Variants in PTPRD observed in about 807,000 individuals in gnomAD.
The protein encoded by PTPRD is protein tyrosine phosphatase receptor type D, also known as receptor-type tyrosine-protein phosphatase delta.
PTPRD carries 34 observed loss-of-function variants against 214.5 expected under a neutral mutation model. That is an observed-to-expected ratio of 0.16 (90% confidence interval 0.12 to 0.21). PTPRD has a LOEUF of 0.21. Ranked by LOEUF, PTPRD falls within the 10% of genes least tolerant of loss-of-function variation. The pLI is 1.00. For missense variants in PTPRD, 2,545 were observed against 2,398.7 expected, an observed-to-expected ratio of 1.06 and a Z score of -1.27; for synonymous variants, 1,128 against 845.7, an observed-to-expected ratio of 1.33 and a Z score of -5.79.
At chr9:8,338,001 C>T (rs562074833) in intron 43 of PTPRD, among the ~76,000 whole-genome samples, 1 of 152,142 alleles carries the variant, frequency 6.6e-6, no homozygotes, top group Admixed American at 6.5e-5. Flanking sequence ...GTCACCTAGG[C>T]CAACCCTCCT....
At chr9:9,728,754 C>T (rs2154439159) in intron 7 of PTPRD, among the ~76,000 whole-genome samples, 1 of 152,178 alleles carries the variant, frequency 6.6e-6, no homozygotes, top group African/African-American at 2.4e-5. Flanking sequence ...GATTAAAGAA[C>T]TTCAACTATT....
chr9:9,231,308 C>T (rs1182482433), intron 9 of PTPRD, among the ~76,000 whole-genome samples: 1 of 152,052 alleles, frequency 6.6e-6, no homozygotes. Flanking sequence ...ATTCTTAACT[C>T]TTTGGCTGGA....
At chr9:10,213,931 C>T (rs1415821262) in intron 3 of PTPRD, among the ~76,000 whole-genome samples, 1 of 152,022 alleles carries the variant, frequency 6.6e-6, no homozygotes, top group Non-Finnish European at 1.5e-5. Flanking sequence ...AGATTTACAG[C>T]ATATTGCTGG....
chr9:8,560,334 G>T (rs1023249664), intron 14 of PTPRD, among the ~76,000 whole-genome samples: 1 of 151,832 alleles, frequency 6.6e-6, no homozygotes, highest in African/African-American at 2.4e-5. Context: ...TTAAAACTTT[G>T]TTGATAACAA....
chr9:9,323,589 C>T (rs1967877444), intron 9 of PTPRD, among the ~76,000 whole-genome samples: 1 of 152,136 alleles, frequency 6.6e-6, no homozygotes. Flanking sequence ...CGAGAACCAT[C>T]ATACTATCTT....
intron 11 of PTPRD, among the ~76,000 whole-genome samples, chr9:8,968,660 T>C (rs551848149): frequency 6.6e-6 from 1 of 152,176 alleles, no homozygotes; most frequent in South Asian, 2.1e-4. Flanking sequence ...GGTTAAGTTA[T>C]CCAAATTCAC....
intron 12 of PTPRD, among the ~76,000 whole-genome samples, chr9:8,685,003 T>C (rs1193694043): frequency 6.6e-6 from 1 of 152,178 alleles, no homozygotes; most frequent in African/African-American, 2.4e-5. Flanking sequence ...AAAGATGCTC[T>C]TCTGGGGATG....
chr9:10,227,730 G>A (rs1022322027), intron 3 of PTPRD, among the ~76,000 whole-genome samples: 1 of 151,912 alleles, frequency 6.6e-6, no homozygotes, highest in Admixed American at 6.6e-5. Flanking sequence ...TTGCTTGTTT[G>A]TTTTGTATCA....
intron 11 of PTPRD, among the ~76,000 whole-genome samples, chr9:8,835,987 C>T (rs111704658): frequency 1.9e-4 from 29 of 152,254 alleles, no homozygotes; most frequent in African/African-American, 6.0e-4. Flanking sequence ...CCTGGATCCA[C>T]GTCTGTAACA....
At chr9:8,946,590 C>G (rs972783463) in intron 11 of PTPRD, among the ~76,000 whole-genome samples, 7 of 152,168 alleles carry the variant, frequency 4.6e-5, no homozygotes, top group Non-Finnish European at 8.8e-5. Context: ...TTGCATTCTT[C>G]TATCCCCAAG....
chr9:9,881,542 T>C (rs1157719402), intron 5 of PTPRD, among the ~76,000 whole-genome samples: 2 of 152,124 alleles, frequency 1.3e-5, no homozygotes, highest in Admixed American at 6.6e-5. Flanking sequence ...GTTGTGAAAA[T>C]AAACTGGGAT....
At chr9:9,528,495 A>G (rs2074683405) in intron 8 of PTPRD, among the ~76,000 whole-genome samples, 4 of 152,224 alleles carry the variant, frequency 2.6e-5, no homozygotes, top group South Asian at 4.1e-4. Flanking sequence ...AATAACATCA[A>G]TTTATGTCAT....
At chr9:9,317,824 T>C (rs1024719989) in intron 9 of PTPRD, among the ~76,000 whole-genome samples, 3 of 152,138 alleles carry the variant, frequency 2.0e-5, no homozygotes, top group East Asian at 3.9e-4. Flanking sequence ...TCCTGATAGA[T>C]TATGTGCATT....
intron 5 of PTPRD, among the ~76,000 whole-genome samples, chr9:9,851,686 A>C (rs1463405930): frequency 6.6e-6 from 1 of 152,212 alleles, no homozygotes; most frequent in African/African-American, 2.4e-5. Context: ...AAGCTGAGGC[A>C]GAAGGATCAC....
At chr9:8,485,702 C>A (rs906632939) in intron 28 of PTPRD, 60 bp downstream of exon 28, 4 of 1,416,888 alleles carry the variant, frequency 2.8e-6, no homozygotes, top group Admixed American at 2.2e-5. Context: ...CTTCAAAATA[C>A]TGATTTCCAA....
At chr9:9,686,617 T>G (rs1462149480) in intron 7 of PTPRD, among the ~76,000 whole-genome samples, 1 of 151,638 alleles carries the variant, frequency 6.6e-6, no homozygotes, top group Non-Finnish European at 1.5e-5. Flanking sequence ...TACATAAATT[T>G]TATCTAGAAA....
At chr9:10,199,868 A>G (rs145206508) in intron 3 of PTPRD, among the ~76,000 whole-genome samples, 2 of 151,194 alleles carry the variant, frequency 1.3e-5, no homozygotes, top group African/African-American at 4.9e-5. Flanking sequence ...TACCAACATA[A>G]CTACCACTTA....
chr9:10,471,568 C>T (rs1373344480), intron 2 of PTPRD, among the ~76,000 whole-genome samples: 2 of 151,996 alleles, frequency 1.3e-5, no homozygotes, highest in Non-Finnish European at 2.9e-5. Flanking sequence ...GTTTCCAAAT[C>T]TGGTATCTGT....
intron 10 of PTPRD, among the ~76,000 whole-genome samples, chr9:9,113,123 C>A (rs1030973967): frequency 6.6e-6 from 1 of 151,374 alleles, no homozygotes; most frequent in African/African-American, 2.4e-5. Context: ...TACCACCATG[C>A]CCGGCTAATT....
Sources: allele counts gnomAD v4.1 joint callset (sites outside exome capture counted in the v4.1 genomes callset), GRCh38; gene constraint gnomAD v4.1.1; transcripts MANE v1.5; gene names NCBI Gene and HGNC (gene_info 2026-07-23, HGNC 2026-07-21).